The following CD99L2 variants were observed in gnomAD, a reference collection of about 807,000 sequenced individuals.
The protein encoded by CD99L2 is CD99 antigen-like protein 2.
CD99L2 carries 24 observed loss-of-function variants against 27.3 expected under a neutral mutation model. The observed-to-expected ratio is 0.88, with a 90% CI of 0.64 to 1.24. The LOEUF is 1.24. Ranked by LOEUF, CD99L2 falls within the 50% of genes most tolerant of loss-of-function variation. CD99L2 has a pLI of 0.00. For synonymous variants in CD99L2, 97 were observed against 87.9 expected, an observed-to-expected ratio of 1.10 and a Z score of -0.58; for missense variants, 255 against 221.6, an observed-to-expected ratio of 1.15 and a Z score of -0.96.
At chrX:150,885,281 A>G (rs1289268478) in intron 1 of CD99L2, among the ~76,000 whole-genome samples, 1 of 111,145 alleles carries the variant, frequency 9.0e-6, no homozygotes, top group Admixed American at 9.7e-5. Flanking sequence ...TAAACTTTAC[A>G]TATATGGCTG....
At chrX:150,787,937 T>G (rs2045626447) in intron 7 of CD99L2, among the ~76,000 whole-genome samples, 1 of 93,806 alleles carries the variant, frequency 1.1e-5, no homozygotes. Context: ...AAAGGAGTCC[T>G]TTCCCCACTG....
intron 4 of CD99L2, among the ~76,000 whole-genome samples, chrX:150,800,917 G>A (rs1316598022): frequency 9.1e-6 from 1 of 109,501 alleles, no homozygotes; most frequent in Non-Finnish European, 1.9e-5. Context: ...TATAATCCCG[G>A]CTACTCGGGA....
chrX:150,795,347 T>C, intron 5 of CD99L2, 58 bp from the exon 6 acceptor site: 1 of 1,206,955 alleles, frequency 8.3e-7, no homozygotes, highest in Non-Finnish European at 1.1e-6. Context: ...GGGTAGCTCA[T>C]TTGGATCCTG....
rs1248631232 is a variant in CD99L2 at position 150,861,917 on chromosome X, A to G, written c.68-30624T>C. 9.7e-5 allele frequency among the ~76,000 whole-genome samples: 10 copies of G among 103,270 alleles called. No individual in the cohort carries two copies. The East Asian group carries it at 1.2e-3, about 12-fold the overall frequency. The allele number at this position is 103,270 out of a possible 115,157, so 89.7% of individuals were successfully genotyped here. On this transcript the variant is annotated intron_variant, in intron 1 of 10. Transcript: ENST00000370377. ...CGAGACTCTTTCTCAAAAAAAAAAA[A>G]AGAGAGAGAGAGAGAGAGAGTACTA...
intron 7 of CD99L2, among the ~76,000 whole-genome samples, chrX:150,783,656 A>T (rs2045550087): frequency 8.9e-6 from 1 of 112,412 alleles, no homozygotes; most frequent in Non-Finnish European, 1.9e-5. Context: ...AAGAAAAATG[A>T]GGCAGTGTTT....
chrX:150,791,605 G>A (rs782367244), intron 7 of CD99L2, among the ~76,000 whole-genome samples: 11 of 111,573 alleles, frequency 9.9e-5, no homozygotes, highest in Non-Finnish European at 2.1e-4. Flanking sequence ...ATACTCTAGG[G>A]TATACATGGC....
intron 2 of CD99L2, among the ~76,000 whole-genome samples, chrX:150,825,976 T>C (rs1451365725): frequency 9.0e-6 from 1 of 111,730 alleles, no homozygotes; most frequent in African/African-American, 3.3e-5. Context: ...AAATTCATGT[T>C]GAAACTTAAC....
At chrX:150,866,766 C>T (rs1312594834) in intron 1 of CD99L2, among the ~76,000 whole-genome samples, 1 of 111,454 alleles carries the variant, frequency 9.0e-6, no homozygotes, top group Non-Finnish European at 1.9e-5. Flanking sequence ...ATTCTAATTA[C>T]CTTGATTTGA....
At chrX:150,815,983 C>T (rs781993982) in intron 3 of CD99L2, 24 bp downstream of exon 3, 10 of 1,205,408 alleles carry the variant, frequency 8.3e-6, no homozygotes, top group Non-Finnish European at 1.1e-5. Flanking sequence ...TTCCTCACTG[C>T]CCTCCTTAAG....
At chrX:150,794,937 G>A (rs986652960) in intron 6 of CD99L2, among the ~76,000 whole-genome samples, 1 of 112,749 alleles carries the variant, frequency 8.9e-6, no homozygotes, top group Non-Finnish European at 1.9e-5. Context: ...AAATGTATGG[G>A]TTTAATGTTG....
chrX:150,837,794 T>A lies in CD99L2; in HGVS notation c.68-6501A>T, dbSNP rs544109979. ...ACATAAATAAACAAAAGAGAGAGAA[T>A]AGACAAATCTCTCATACAGAATAAT... On this transcript the variant is annotated intron_variant, in intron 1 of 10. Transcript: ENST00000370377. Among the ~76,000 whole-genome samples the A allele has an allele frequency of 3.6e-5, 4 of 112,445 alleles. No homozygotes were observed. In the East Asian group the frequency reaches 1.1e-3, roughly 31 times the overall value.
chrX:150,877,108 C>T (rs1261662088), intron 1 of CD99L2, among the ~76,000 whole-genome samples: 6 of 99,923 alleles, frequency 6.0e-5, no homozygotes, highest in Non-Finnish European at 1.2e-4. Context: ...CATAGCGAGA[C>T]CCTGTCTCTT....
intron 2 of CD99L2, chrX:150,829,734 C>A (rs2046412997): frequency 9.6e-6 from 2 of 208,409 alleles, no homozygotes; most frequent in Admixed American, 1.3e-4. Context: ...ATGCACCTAA[C>A]AGCATTGAAA....
At chrX:150,866,413 A>T (rs1180034531) in intron 1 of CD99L2, among the ~76,000 whole-genome samples, 1 of 111,923 alleles carries the variant, frequency 8.9e-6, no homozygotes, top group Non-Finnish European at 1.9e-5. Flanking sequence ...TGTCAATAAT[A>T]AGAGAGGGAT....
intron 1 of CD99L2, among the ~76,000 whole-genome samples, chrX:150,881,286 C>A (rs2047320805): frequency 8.9e-6 from 1 of 111,774 alleles, no homozygotes; most frequent in African/African-American, 3.3e-5. Flanking sequence ...TATACCCCAG[C>A]AGGCCTGCAG....
chrX:150,793,390 G>C (rs2045727606), intron 7 of CD99L2, among the ~76,000 whole-genome samples: 2 of 112,577 alleles, frequency 1.8e-5, no homozygotes, highest in Admixed American at 1.9e-4. Context: ...GAGTCCACTG[G>C]CCCCCAGTTA....
intron 7 of CD99L2, among the ~76,000 whole-genome samples, chrX:150,782,070 G>C (rs1257145160): frequency 8.9e-6 from 1 of 111,838 alleles, no homozygotes; most frequent in Non-Finnish European, 1.9e-5. Flanking sequence ...GGCATGGAGA[G>C]TAACGTAATG....
intron 4 of CD99L2, among the ~76,000 whole-genome samples, chrX:150,806,585 G>A (rs1266696461): frequency 8.9e-6 from 1 of 112,314 alleles, no homozygotes; most frequent in East Asian, 2.8e-4. Flanking sequence ...ATGTAGACCT[G>A]ACTTCGGAAA....
At chrX:150,809,763 G>A (rs1274343904) in intron 4 of CD99L2, among the ~76,000 whole-genome samples, 2 of 112,191 alleles carry the variant, frequency 1.8e-5, no homozygotes, top group Non-Finnish European at 1.9e-5. Flanking sequence ...CAATTTTGAT[G>A]TCTAAATGTG....
Sources: allele counts gnomAD v4.1 joint callset (sites outside exome capture counted in the v4.1 genomes callset), GRCh38; gene constraint gnomAD v4.1.1; transcripts MANE v1.5; gene names NCBI Gene and HGNC (gene_info 2026-07-23, HGNC 2026-07-21).